SGCZ: variants seen among roughly 807,000 people sequenced by gnomAD.
SGCZ encodes the protein zeta-sarcoglycan.
Under a neutral mutation model 41.3 loss-of-function variants are expected in SGCZ, and 40 were observed. The ratio of observed to expected loss-of-function variants is 0.97; its 90% CI spans 0.75 to 1.26. The LOEUF (loss-of-function observed/expected upper bound fraction) is 1.26. Among genes scored for constraint, SGCZ ranks in the 50% most tolerant of loss-of-function variants. The pLI is 0.00. For missense variants in SGCZ, 552 were observed against 369.8 expected (o/e 1.49, Z -4.04); for synonymous variants, 206 against 137.5 (o/e 1.50, Z -3.49).
chr8:14,963,084 T>C (rs1319343576), intron 1 of SGCZ, among the ~76,000 whole-genome samples: 1 of 152,178 alleles, frequency 6.6e-6, no homozygotes, highest in Non-Finnish European at 1.5e-5. Flanking sequence ...AACCTTTCCA[T>C]TGTATTTCTT....
intron 4 of SGCZ, among the ~76,000 whole-genome samples, chr8:14,203,698 T>A (rs1445680407): frequency 6.6e-6 from 1 of 152,202 alleles, no homozygotes; most frequent in Non-Finnish European, 1.5e-5. Flanking sequence ...ATGGCCTTTA[T>A]AGTCAAGGAC....
rs558646314 is a variant in SGCZ, at chr8:14,349,536, T to A, written c.235-25332A>T. On this transcript the variant is annotated intron_variant, in intron 2 of 7. Transcript: ENST00000382080. ...CAATTTAGGATTTTTAAGAAGCATA[T>A]GTGTCATCTTTACCTATTCTCCCAT... 1.7e-4 allele frequency among the ~76,000 whole-genome samples: 26 copies of A among 152,266 alleles called. No individual in the cohort carries two copies. In the South Asian group the frequency reaches 5.0e-3, roughly 29 times the overall value.
At chr8:14,501,806 C>G (rs1004511644) in intron 2 of SGCZ, among the ~76,000 whole-genome samples, 1 of 151,738 alleles carries the variant, frequency 6.6e-6, no homozygotes, top group Admixed American at 6.6e-5. Flanking sequence ...AATTTTAACC[C>G]AAAGATAATT....
intron 1 of SGCZ, among the ~76,000 whole-genome samples, chr8:14,558,270 T>A (rs1804093839): frequency 6.6e-6 from 1 of 152,152 alleles, no homozygotes; most frequent in East Asian, 1.9e-4. Context: ...GTTGACACTA[T>A]TCCAAAAGAT....
chr8:15,055,911 C>T (rs1375302216), intron 1 of SGCZ, among the ~76,000 whole-genome samples: 1 of 152,204 alleles, frequency 6.6e-6, no homozygotes, highest in Non-Finnish European at 1.5e-5. Flanking sequence ...TCTTTTTCAT[C>T]TAAAACCCTG....
intron 1 of SGCZ, among the ~76,000 whole-genome samples, chr8:14,801,512 A>C (rs910991380): frequency 3.9e-5 from 6 of 152,238 alleles, no homozygotes; most frequent in African/African-American, 1.4e-4. Context: ...AAGAAAGTAC[A>C]GACAGATTAT....
At chr8:14,245,935 A>T (rs1489608615) in intron 3 of SGCZ, among the ~76,000 whole-genome samples, 1 of 152,222 alleles carries the variant, frequency 6.6e-6, no homozygotes, top group African/African-American at 2.4e-5. Flanking sequence ...ATCATTAAAA[A>T]GTCAGGAAGC....
chr8:14,111,178 T>A (rs772761492), intron 5 of SGCZ, among the ~76,000 whole-genome samples: 1 of 152,180 alleles, frequency 6.6e-6, no homozygotes, highest in Non-Finnish European at 1.5e-5. Context: ...TATATGACAC[T>A]GAGCTCATTT....
chr8:15,060,001 C>T (rs1804858592), intron 1 of SGCZ, among the ~76,000 whole-genome samples: 1 of 152,188 alleles, frequency 6.6e-6, no homozygotes, highest in African/African-American at 2.4e-5. Flanking sequence ...CAAGCCCTGA[C>T]ATCTCTATAC....
At chr8:15,131,796 G>A (rs1807913308) in intron 1 of SGCZ, among the ~76,000 whole-genome samples, 1 of 152,280 alleles carries the variant, frequency 6.6e-6, no homozygotes, top group African/African-American at 2.4e-5. Flanking sequence ...GGCTGGCACA[G>A]GGAATGGCTA....
intron 1 of SGCZ, among the ~76,000 whole-genome samples, chr8:15,067,998 C>G (rs1805213209): frequency 6.6e-6 from 1 of 152,066 alleles, no homozygotes; most frequent in Non-Finnish European, 1.5e-5. Flanking sequence ...CACAGAGTAC[C>G]ATGCAAAAGG....
At chr8:14,481,598 A>G (rs1401800762) in intron 2 of SGCZ, among the ~76,000 whole-genome samples, 1 of 152,208 alleles carries the variant, frequency 6.6e-6, no homozygotes, top group African/African-American at 2.4e-5. Context: ...ATATAACTCT[A>G]GAAGACACAA....
chr8:14,921,800 C>T (rs929441374), intron 1 of SGCZ, among the ~76,000 whole-genome samples: 7 of 151,960 alleles, frequency 4.6e-5, no homozygotes, highest in Non-Finnish European at 8.8e-5. Context: ...TTATATAACC[C>T]GACTTTTTTC....
At chr8:14,782,631 A>G (rs1227462519) in intron 1 of SGCZ, among the ~76,000 whole-genome samples, 1 of 151,662 alleles carries the variant, frequency 6.6e-6, no homozygotes. Flanking sequence ...TCCAGTTGTG[A>G]CTCAGATTGA....
intron 1 of SGCZ, among the ~76,000 whole-genome samples, chr8:14,644,366 T>C (rs1036166646): frequency 6.6e-6 from 1 of 151,822 alleles, no homozygotes; most frequent in African/African-American, 2.4e-5. Flanking sequence ...CTAGAAATCC[T>C]GCTGACCTTC....
At chr8:14,302,588 C>A (rs1339737992) in intron 3 of SGCZ, among the ~76,000 whole-genome samples, 2 of 152,106 alleles carry the variant, frequency 1.3e-5, no homozygotes, top group East Asian at 1.9e-4. Flanking sequence ...TTGACTCTGT[C>A]CCCATGTGGC....
intron 1 of SGCZ, among the ~76,000 whole-genome samples, chr8:15,024,013 T>C (rs1163648826): frequency 6.6e-6 from 1 of 152,198 alleles, no homozygotes; most frequent in African/African-American, 2.4e-5. Flanking sequence ...TAAGTAATAA[T>C]ATTAGAAAAA....
intron 1 of SGCZ, among the ~76,000 whole-genome samples, chr8:14,761,004 G>C (rs1310025368): frequency 6.6e-6 from 1 of 152,146 alleles, no homozygotes; most frequent in Non-Finnish European, 1.5e-5. Context: ...AGAAGCGGTG[G>C]TGGGGATTTC....
At position 14,594,124 on chromosome 8, in the gene SGCZ, G is replaced by C. The variant is rs369875112; in HGVS notation, c.40-39198C>G. Among the ~76,000 whole-genome samples the C allele has an allele frequency of 1.8e-4, 28 of 151,386 alleles. 1 individual carries two copies. In the East Asian group the frequency reaches 5.3e-3, roughly 28 times the overall value. ...CGGGAGGTGGAGGTTACAGTGAGTC[G>C]AGATTAGGCTATTGCACTCCAGCCT... On this transcript the variant is annotated intron_variant, in intron 1 of 7. Coordinates refer to ENST00000382080, the MANE Select transcript of SGCZ (RefSeq NM_139167.4).
Sources: gnomAD v4.1 joint callset for allele counts (sites outside exome capture counted in the v4.1 genomes callset) on GRCh38, gnomAD v4.1.1 for gene constraint, MANE v1.5 for transcripts, NCBI Gene and HGNC (gene_info 2026-07-23, HGNC 2026-07-21) for gene names.